Variants in TRPC4AP observed in about 807,000 individuals in gnomAD.
The protein encoded by TRPC4AP is transient receptor potential cation channel subfamily C member 4 associated protein.
A neutral mutation model predicts 99.0 loss-of-function variants in TRPC4AP; 45 were observed. The observed-to-expected ratio is 0.45, with a 90% CI of 0.36 to 0.58. The LOEUF is 0.58. Ranked by LOEUF, TRPC4AP falls within the 20% of genes least tolerant of loss-of-function variation. TRPC4AP has a pLI of 0.00. For synonymous variants in TRPC4AP, 408 were observed against 385.8 expected (o/e 1.06, Z -0.67); for missense variants, 879 against 985.3 (o/e 0.89, Z 1.44).
chr20:35,021,050 CAGA>C lies in TRPC4AP; in HGVS notation c.1218+137_1218+139del, dbSNP rs2082874912. The C allele has an allele frequency of 3.3e-6, 3 of 901,220 alleles. No individual in the cohort carries two copies. In the East Asian group the frequency reaches 8.0e-5, roughly 24 times the overall value. The allele number at this position is 901,220 out of a possible 1,614,324, so 55.8% of individuals were successfully genotyped here. On this transcript the variant is annotated intron_variant, in intron 9 of 18. Transcript: ENST00000252015. ...CAGCCTGGTTTCCTTATAGGTAGAACAGAAGGAGAAATACCCCTATGCTTTGCC... is the reference window on the plus strand; with the variant it reads ...CAGCCTGGTTTCCTTATAGGTAGAACAGGAGAAATACCCCTATGCTTTGCC...
At chr20:35,080,123 T>A (rs1569150700) in intron 1 of TRPC4AP, among the ~76,000 whole-genome samples, 1 of 152,110 alleles carries the variant, frequency 6.6e-6, no homozygotes, top group Non-Finnish European at 1.5e-5. Flanking sequence ...TGGAATATTA[T>A]TCAGCAAAAA....
chr20:35,057,496 G>C lies in TRPC4AP; in HGVS notation c.472+18C>G, dbSNP rs751333900. On this transcript the variant is annotated intron_variant, in intron 4 of 18. Transcript: ENST00000252015. ...GCAGGTTGGAAAACAAGGACCAGTA[G>C]CTAATAGGTATACTTACTTTTCAGT... is the stretch of plus-strand genomic sequence containing the variant. 5.6e-6 allele frequency: 9 copies of C among 1,602,872 alleles called. No homozygotes were observed. In the Admixed American group the frequency reaches 1.5e-4, roughly 27 times the overall value.
At chr20:35,047,033 T>C (rs918022089) in intron 6 of TRPC4AP, among the ~76,000 whole-genome samples, 2 of 152,176 alleles carry the variant, frequency 1.3e-5, no homozygotes, top group Non-Finnish European at 2.9e-5. Flanking sequence ...CATGCTGGGC[T>C]AATTTTTATA....
chr20:35,039,503 C>A (rs1427038395), intron 7 of TRPC4AP, among the ~76,000 whole-genome samples: 1 of 152,226 alleles, frequency 6.6e-6, no homozygotes, highest in Non-Finnish European at 1.5e-5. Context: ...CCACACCTGG[C>A]TGGTTAATGT....
chr20:35,004,567 G>C lies in TRPC4AP; in HGVS notation c.1940C>G (p.Ala647Gly), dbSNP rs1343966291. 4.3e-6 allele frequency: 7 copies of C among 1,613,414 alleles called. No homozygotes were observed. Among genetic ancestry groups the C allele is most frequent in the South Asian group, 2.2e-5 (2 of 90,922 alleles). The change falls in exon 17 of 19, where the codon GCC becomes GGC. Residue 647 changes from alanine (A) to glycine (G), a missense_variant. Coordinates refer to ENST00000252015, the MANE Select transcript of TRPC4AP (RefSeq NM_015638.3). ...RFENQVDMKVAEVLSECRLLA... is the reference protein window; with the variant it reads ...RFENQVDMKVGEVLSECRLLA... ...CAGGCGGCATTCAGACAGTACCTCG[G>C]CAACTGTGGAGGGAGGCAGGGGTGC...
chr20:35,044,505 C>G lies in TRPC4AP; in HGVS notation c.865G>C (p.Ala289Pro). ...LGPSAAEINQ[A>P]ALLSIPGFVE... The stretch of plus-strand genomic sequence containing the variant: ...AATTCTGAGAACTTGGAGACTTTAC[C>G]TTGATTGATTTCAGCTGCAGAAGGC... The change falls in exon 7 of 19, where the codon GCG becomes CCG. Residue 289 changes from alanine (A) to proline (P), a missense_variant and splice_region_variant. Coordinates refer to ENST00000252015, the MANE Select transcript of TRPC4AP (RefSeq NM_015638.3). 1 of 1,613,622 alleles carries G rather than the reference C, an allele frequency of 6.2e-7. No individual in the cohort carries two copies.
chr20:35,051,866 A>G (rs929120302), intron 5 of TRPC4AP, among the ~76,000 whole-genome samples: 16 of 152,038 alleles, frequency 1.1e-4, no homozygotes, highest in Admixed American at 4.6e-4. Context: ...CCTCTCTTCA[A>G]TTTATCAAAG....
chr20:35,086,104 G>A (rs573601667), intron 1 of TRPC4AP, among the ~76,000 whole-genome samples: 5 of 136,066 alleles, frequency 3.7e-5, no homozygotes, highest in African/African-American at 8.0e-5. Context: ...TTACAGGCAC[G>A]CACCACCACG....
intron 9 of TRPC4AP, among the ~76,000 whole-genome samples, chr20:35,017,871 G>C (rs1320352031): frequency 6.6e-6 from 1 of 152,200 alleles, no homozygotes; most frequent in African/African-American, 2.4e-5. Flanking sequence ...CCAGTGTTAA[G>C]ACTCATAAGC....
intron 8 of TRPC4AP, among the ~76,000 whole-genome samples, chr20:35,027,369 G>A (rs1325715677): frequency 1.3e-5 from 2 of 152,094 alleles, no homozygotes; most frequent in Non-Finnish European, 2.9e-5. Flanking sequence ...TTCAAATGTT[G>A]AACCAAACTT....
At chr20:35,037,264 G>A (rs946604523) in intron 7 of TRPC4AP, among the ~76,000 whole-genome samples, 17 of 150,104 alleles carry the variant, frequency 1.1e-4, no homozygotes, top group African/African-American at 3.9e-4. Context: ...GGAGAATGGC[G>A]TGAACCCAGG....
intron 8 of TRPC4AP, among the ~76,000 whole-genome samples, chr20:35,026,398 A>G (rs2083032692): frequency 6.6e-6 from 1 of 152,046 alleles, no homozygotes; most frequent in Non-Finnish European, 1.5e-5. Context: ...AATTTTTTAT[A>G]GAGACAGGGG....
chr20:35,039,159 CTTA>C (rs10566932), intron 7 of TRPC4AP, among the ~76,000 whole-genome samples: 1,943 of 152,308 alleles, frequency 0.013, 31 homozygotes, highest in African/African-American at 0.044. Context: ...GATTTTTACT[CTTA>C]TACTTCTGTT....
chr20:35,003,664 T>TG, intron 17 of TRPC4AP, 48 bp from the exon 18 acceptor site: 1 of 1,566,254 alleles, frequency 6.4e-7, no homozygotes, highest in Admixed American at 1.8e-5. Flanking sequence ...GGAGCCCCAG[T>TG]GGCCCCTGGT....
At chr20:35,058,356 T>A (rs998807515) in intron 3 of TRPC4AP, among the ~76,000 whole-genome samples, 1 of 152,156 alleles carries the variant, frequency 6.6e-6, no homozygotes, top group Admixed American at 6.5e-5. Flanking sequence ...AGAGTATACA[T>A]TCTACTCAAG....
At chr20:35,055,412 C>T (rs1466044745) in intron 4 of TRPC4AP, among the ~76,000 whole-genome samples, 1 of 152,122 alleles carries the variant, frequency 6.6e-6, no homozygotes, top group African/African-American at 2.4e-5. Flanking sequence ...AAATGAACAA[C>T]TTAATATATA....
At chr20:35,028,904 TA>T (rs1368211269) in intron 8 of TRPC4AP, among the ~76,000 whole-genome samples, 1 of 152,226 alleles carries the variant, frequency 6.6e-6, no homozygotes, top group Non-Finnish European at 1.5e-5. Flanking sequence ...TTCACCCTGT[TA>T]TTATCAAATA....
Position 35,004,461 on chromosome 20 carries a change from G to C in TRPC4AP, c.2046C>G (p.Thr682=). 2 of 1,612,874 alleles carry C rather than the reference G, an allele frequency of 1.2e-6. No homozygotes were observed. Among genetic ancestry groups the C allele is most frequent in the Non-Finnish European group, 1.7e-6 (2 of 1,179,398 alleles). ...TGTGTCTGCCGGGGCCTCTCACCTG[G>C]GTCAGCGTCTGCACGTGGATGATGT... The part of the protein sequence containing the change: ...LINIIHVQTL[T]QENVSCLNTS... The change falls in exon 17 of 19, where the codon ACC becomes ACG. Residue 682 remains threonine, a synonymous_variant. Transcript: ENST00000252015.
intron 7 of TRPC4AP, among the ~76,000 whole-genome samples, chr20:35,035,733 A>G (rs1032736104): frequency 6.6e-6 from 1 of 152,234 alleles, no homozygotes; most frequent in Non-Finnish European, 1.5e-5. Flanking sequence ...ATTAAATACA[A>G]TGACACATTT....
Sources: allele counts gnomAD v4.1 joint callset (sites outside exome capture counted in the v4.1 genomes callset), GRCh38; gene constraint gnomAD v4.1.1; transcripts MANE v1.5; gene names NCBI Gene and HGNC (gene_info 2026-07-23, HGNC 2026-07-21).